Variants in ANK3 observed in about 807,000 individuals in gnomAD.
The protein encoded by ANK3 is ankyrin 3, also known as ankyrin-3.
Under a neutral mutation model 370.9 loss-of-function variants are expected in ANK3, and 57 were observed. The ratio of observed to expected loss-of-function variants is 0.15; its 90% CI spans 0.12 to 0.19. The LOEUF (loss-of-function observed/expected upper bound fraction) is 0.19. Among genes scored for constraint, ANK3 ranks in the 10% least tolerant of loss-of-function variants. The pLI is 1.00. For synonymous variants in ANK3, 1,929 were observed against 1,946.3 expected (o/e 0.99, Z 0.23); for missense variants, 4,439 against 5,302.1 (o/e 0.84, Z 5.06).
intron 2 of ANK3, among the ~76,000 whole-genome samples, chr10:60,553,086 A>C (rs1211727798): frequency 6.6e-6 from 1 of 152,186 alleles, no homozygotes; most frequent in Non-Finnish European, 1.5e-5. Flanking sequence ...GCAGCATGAG[A>C]ATGGACTAAT....
chr10:60,060,218 T>TATCAA (rs1315678933), intron 40 of ANK3: 1 of 384,546 alleles, frequency 2.6e-6, no homozygotes. Flanking sequence ...CTAATTAAGA[T>TATCAA]ATCAATTGTT....
At position 60,379,976 on chromosome 10, in the gene ANK3, C is replaced by T. The variant is rs186760779; in HGVS notation, c.114+9449G>A. On this transcript the variant is annotated intron_variant, in intron 1 of 43. Transcript: ENST00000280772. ...TCACTACTTACCTCATGAATATGTA[C>T]ATTTGTCAATTAAAAAAAATCGAAG... Among the ~76,000 whole-genome samples, 50 of 151,946 alleles carry T rather than the reference C, an allele frequency of 3.3e-4. 1 individual carries two copies. The highest frequency in any genetic ancestry group is 1.0e-3 in the African/African-American group (42 of 41,346).
At chr10:60,235,779 C>T (rs749927511) in intron 7 of ANK3, among the ~76,000 whole-genome samples, 1 of 152,052 alleles carries the variant, frequency 6.6e-6, no homozygotes, top group African/African-American at 2.4e-5. Context: ...ATGAACTAGG[C>T]TCACAGGGAT....
At chr10:60,658,917 G>GAAAGA (rs1203279449) in intron 1 of ANK3, among the ~76,000 whole-genome samples, 18 of 150,586 alleles carry the variant, frequency 1.2e-4, no homozygotes, top group African/African-American at 4.1e-4. Flanking sequence ...GAAAGAAAAG[G>GAAAGA]AAAGGAAAGG....
At chr10:60,522,776 T>G (rs1453096528) in intron 2 of ANK3, among the ~76,000 whole-genome samples, 1 of 152,102 alleles carries the variant, frequency 6.6e-6, no homozygotes, top group Admixed American at 6.6e-5. Context: ...TGATGATTCT[T>G]CTATGAATAT....
rs1564630656 is a variant in ANK3, at chr10:60,728,838, A to G, written c.57+4425T>C. 1.3e-5 allele frequency among the ~76,000 whole-genome samples: 2 copies of G among 152,176 alleles called. 1 individual carries two copies. The highest frequency in any genetic ancestry group is 2.9e-5 in the Non-Finnish European group (2 of 68,018). Reference sequence around the variant, plus strand: ...GCTTGTATAGTCTTCCTGAAGGTCAATTTCATCATGTATAAAATGCCAGGG... The same window carrying G: ...GCTTGTATAGTCTTCCTGAAGGTCAGTTTCATCATGTATAAAATGCCAGGG... On this transcript the variant is annotated intron_variant, in intron 1 of 43. Coordinates refer to the ANK3 transcript ENST00000373827.
chr10:60,488,359 C>T (rs2075403084), intron 2 of ANK3, among the ~76,000 whole-genome samples: 1 of 152,036 alleles, frequency 6.6e-6, no homozygotes, highest in South Asian at 2.1e-4. Context: ...ACGAAGAGCT[C>T]CTGAAAAATA....
At chr10:60,407,691 A>T (rs532393871) in intron 2 of ANK3, among the ~76,000 whole-genome samples, 5 of 152,216 alleles carry the variant, frequency 3.3e-5, no homozygotes, top group Non-Finnish European at 5.9e-5. Context: ...TAAATTGTGT[A>T]AACTGAGGCT....
chr10:60,598,842 A>G (rs1468502301), intron 2 of ANK3, among the ~76,000 whole-genome samples: 1 of 152,236 alleles, frequency 6.6e-6, no homozygotes, highest in Non-Finnish European at 1.5e-5. Context: ...ATGAATGATT[A>G]AATAAATAGG....
At chr10:60,663,694 C>T (rs2078963982) in intron 1 of ANK3, among the ~76,000 whole-genome samples, 1 of 152,182 alleles carries the variant, frequency 6.6e-6, no homozygotes, top group African/African-American at 2.4e-5. Context: ...TGTAAAGGCA[C>T]TTTGAAACTG....
At chr10:60,540,534 GA>G (rs2076822693) in intron 2 of ANK3, among the ~76,000 whole-genome samples, 1 of 151,822 alleles carries the variant, frequency 6.6e-6, no homozygotes, top group Non-Finnish European at 1.5e-5. Flanking sequence ...AGCACATTAG[GA>G]AACCATTTAC....
intron 1 of ANK3, among the ~76,000 whole-genome samples, chr10:60,340,356 C>T (rs2132979006): frequency 6.6e-6 from 1 of 152,270 alleles, no homozygotes; most frequent in South Asian, 2.1e-4. Flanking sequence ...GCTTCAGCCT[C>T]CTAAGTAGCT....
chr10:60,286,364 T>A (rs1322387724), intron 1 of ANK3, among the ~76,000 whole-genome samples: 3 of 152,170 alleles, frequency 2.0e-5, no homozygotes, highest in Non-Finnish European at 4.4e-5. Flanking sequence ...CATTCTGTCT[T>A]TTTTTGTCTA....
chr10:60,158,434 G>A (rs1023569481), intron 23 of ANK3, among the ~76,000 whole-genome samples: 1 of 152,126 alleles, frequency 6.6e-6, no homozygotes, highest in African/African-American at 2.4e-5. Flanking sequence ...GAGATAGATA[G>A]TATAAAAAGA....
At chr10:60,138,910 T>C (rs1280905577) in intron 24 of ANK3, 54 bp downstream of exon 24, 4 of 1,597,982 alleles carry the variant, frequency 2.5e-6, no homozygotes, top group Admixed American at 3.6e-5. Context: ...TTTTGATTTA[T>C]GACAAATCAT....
intron 2 of ANK3, among the ~76,000 whole-genome samples, chr10:60,500,237 A>T (rs1053063316): frequency 6.6e-6 from 1 of 152,152 alleles, no homozygotes; most frequent in Non-Finnish European, 1.5e-5. Context: ...AATCGGCCTT[A>T]CTAACTAAAT....
At chr10:60,197,089 C>G (rs566335830) in intron 14 of ANK3, among the ~76,000 whole-genome samples, 70 of 152,252 alleles carry the variant, frequency 4.6e-4, no homozygotes, top group Non-Finnish European at 8.7e-4. Context: ...TCTCACATCA[C>G]CAGACCAGCC....
chr10:60,454,729 TC>T (rs1247588988), intron 2 of ANK3, among the ~76,000 whole-genome samples: 1 of 152,168 alleles, frequency 6.6e-6, no homozygotes, highest in African/African-American at 2.4e-5. Context: ...ATAATTTATC[TC>T]CTGACTTGAA....
chr10:60,512,801 T>C (rs563786988), intron 2 of ANK3, among the ~76,000 whole-genome samples: 1 of 152,262 alleles, frequency 6.6e-6, no homozygotes, highest in East Asian at 1.9e-4. Context: ...TATATGCTAA[T>C]GAACAAGTAG....
Sources: allele counts gnomAD v4.1 joint callset (sites outside exome capture counted in the v4.1 genomes callset), GRCh38; gene constraint gnomAD v4.1.1; transcripts MANE v1.5; gene names NCBI Gene and HGNC (gene_info 2026-07-23, HGNC 2026-07-21).